Variants in TBC1D22A observed in about 807,000 individuals in gnomAD.
TBC1D22A encodes the protein TBC1 domain family member 22A.
Under a neutral mutation model 60.2 loss-of-function variants are expected in TBC1D22A, and 38 were observed. The ratio of observed to expected loss-of-function variants is 0.63; its 90% CI spans 0.49 to 0.83. The LOEUF (loss-of-function observed/expected upper bound fraction) is 0.83. TBC1D22A is among the 40% of genes least tolerant of loss of function. TBC1D22A has a pLI of 0.00. For missense variants in TBC1D22A, 628 were observed against 701.0 expected, an observed-to-expected ratio of 0.90 and a Z score of 1.18; for synonymous variants, 302 against 281.7, an observed-to-expected ratio of 1.07 and a Z score of -0.72.
At chr22:47,152,114 C>T (rs1029379598) in intron 12 of TBC1D22A, among the ~76,000 whole-genome samples, 4 of 152,240 alleles carry the variant, frequency 2.6e-5, no homozygotes, top group Non-Finnish European at 5.9e-5. Flanking sequence ...TAGGGCTCCA[C>T]GGTTCTCTTT....
intron 7 of TBC1D22A, among the ~76,000 whole-genome samples, chr22:46,897,845 TG>T (rs1414221255): frequency 6.6e-6 from 1 of 152,114 alleles, no homozygotes; most frequent in Non-Finnish European, 1.5e-5. Flanking sequence ...TTTTGCATGT[TG>T]ATTGCTTCAG....
intron 12 of TBC1D22A, among the ~76,000 whole-genome samples, chr22:47,135,851 A>C (rs1382204394): frequency 6.6e-6 from 1 of 151,856 alleles, no homozygotes; most frequent in Non-Finnish European, 1.5e-5. Flanking sequence ...ACCCGGACAC[A>C]CGTGGTGAGG....
intron 12 of TBC1D22A, among the ~76,000 whole-genome samples, chr22:47,119,080 C>T (rs1354223476): frequency 2.6e-5 from 4 of 151,952 alleles, no homozygotes; most frequent in Admixed American, 2.6e-4. Flanking sequence ...ACCAGGGAGG[C>T]AGAGGTTGCA....
intron 7 of TBC1D22A, among the ~76,000 whole-genome samples, chr22:46,908,347 G>A (rs987697183): frequency 6.6e-6 from 1 of 152,166 alleles, no homozygotes; most frequent in Non-Finnish European, 1.5e-5. Flanking sequence ...GACCTCAGGA[G>A]CAGTGCCCTA....
Position 46,997,719 on chromosome 22 carries a change from C to G in TBC1D22A, c.1201+10C>G. The G allele has an allele frequency of 1.2e-6, 2 of 1,613,778 alleles. No homozygotes were observed. The highest frequency in any genetic ancestry group is 1.7e-6 in the Non-Finnish European group (2 of 1,179,896). The stretch of plus-strand genomic sequence containing the variant: ...GTGAGCCGGATTGATGGTAAGCCAG[C>G]TTCCCGCGCAGCCCCTCTCTGTGGG... On this transcript the variant is annotated intron_variant, in intron 10 of 12. Coordinates refer to ENST00000337137, the MANE Select transcript of TBC1D22A (RefSeq NM_014346.5).
chr22:47,037,142 C>T lies in TBC1D22A; in HGVS notation c.1273C>T (p.Leu425=). 1 of 1,614,012 alleles carries T rather than the reference C, an allele frequency of 6.2e-7. No individual in the cohort carries two copies. ...GTTTGCCTTCCGCTGGATGAACAAC[C>T]TGCTGATGAGGGAGGTGCCCCTGCG... ...LQFAFRWMNN[L]LMREVPLRCT... Residue 425 remains leucine, a synonymous_variant, in exon 11 of 13, where the codon CTG becomes TTG. Transcript: ENST00000337137.
chr22:46,771,688 G>A (rs2083485030), intron 1 of TBC1D22A, among the ~76,000 whole-genome samples: 1 of 151,358 alleles, frequency 6.6e-6, no homozygotes, highest in South Asian at 2.1e-4. Context: ...TCTGCCTCCC[G>A]GGTTCAGGTG....
At chr22:46,867,159 A>G (rs557420563) in intron 4 of TBC1D22A, among the ~76,000 whole-genome samples, 8 of 152,376 alleles carry the variant, frequency 5.3e-5, no homozygotes, top group African/African-American at 1.9e-4. Flanking sequence ...TCAATGAAGA[A>G]TAGATATCAA....
intron 10 of TBC1D22A, among the ~76,000 whole-genome samples, chr22:47,011,197 TC>T (rs1003397005): frequency 5.9e-5 from 9 of 152,138 alleles, no homozygotes; most frequent in Non-Finnish European, 1.2e-4. Flanking sequence ...CCCTCCCAGT[TC>T]CTCCCTACCT....
chr22:46,805,790 C>G (rs1053179680), intron 4 of TBC1D22A, among the ~76,000 whole-genome samples: 1 of 151,900 alleles, frequency 6.6e-6, no homozygotes, highest in Non-Finnish European at 1.5e-5. Flanking sequence ...TCACCGCCCC[C>G]CCACACCCCC....
intron 10 of TBC1D22A, among the ~76,000 whole-genome samples, chr22:47,027,841 C>T (rs1403279760): frequency 2.6e-5 from 4 of 152,170 alleles, no homozygotes; most frequent in Admixed American, 6.5e-5. Flanking sequence ...GTGCGGGCTG[C>T]GACAGAGCCT....
intron 8 of TBC1D22A, chr22:46,914,125 A>G (rs140978512): frequency 7.5e-4 from 115 of 152,332 alleles, no homozygotes; most frequent in South Asian, 1.4e-3. Context: ...CTGTCAGTCA[A>G]CTATTAAGTG....
At chr22:47,066,053 G>C (rs2063763578) in intron 11 of TBC1D22A, among the ~76,000 whole-genome samples, 1 of 152,204 alleles carries the variant, frequency 6.6e-6, no homozygotes, top group African/African-American at 2.4e-5. Context: ...CTGGTGGAAA[G>C]AAACACATTT....
At chr22:46,939,206 A>G (rs991575180) in intron 8 of TBC1D22A, among the ~76,000 whole-genome samples, 2 of 152,212 alleles carry the variant, frequency 1.3e-5, no homozygotes, top group African/African-American at 4.8e-5. Context: ...TCAGAAGATG[A>G]ATGCAGACAG....
intron 4 of TBC1D22A, among the ~76,000 whole-genome samples, chr22:46,841,641 C>A (rs73468759): frequency 0.04 from 6,041 of 152,222 alleles, 414 homozygotes; most frequent in African/African-American, 0.14. Context: ...AAAAAATTGC[C>A]TTCCTGGAAG....
At chr22:46,880,697 G>A (rs1177247334) in intron 5 of TBC1D22A, among the ~76,000 whole-genome samples, 1 of 152,078 alleles carries the variant, frequency 6.6e-6, no homozygotes, top group Admixed American at 6.5e-5. Context: ...ACCACAGCGT[G>A]GGGGCAGTTT....
At chr22:46,904,877 C>T (rs984135055) in intron 7 of TBC1D22A, among the ~76,000 whole-genome samples, 2 of 151,796 alleles carry the variant, frequency 1.3e-5, no homozygotes, top group Admixed American at 1.3e-4. Flanking sequence ...CGGGTTCGCG[C>T]CATTCTTCTG....
At chr22:46,823,960 G>A (rs763249408) in intron 4 of TBC1D22A, among the ~76,000 whole-genome samples, 8 of 152,214 alleles carry the variant, frequency 5.3e-5, no homozygotes, top group Non-Finnish European at 7.3e-5. Context: ...CACCCAGGGC[G>A]ACAGTGCCAG....
intron 1 of TBC1D22A, among the ~76,000 whole-genome samples, chr22:46,791,846 C>T (rs887512130): frequency 3.3e-5 from 5 of 152,182 alleles, no homozygotes; most frequent in African/African-American, 9.7e-5. Flanking sequence ...CTGCAACCTC[C>T]GCCTCCAGGG....
Sources: allele counts gnomAD v4.1 joint callset (sites outside exome capture counted in the v4.1 genomes callset), GRCh38; gene constraint gnomAD v4.1.1; transcripts MANE v1.5; gene names NCBI Gene and HGNC (gene_info 2026-07-23, HGNC 2026-07-21).